The following SQOR variants were observed in gnomAD, a reference collection of about 807,000 sequenced individuals.
SQOR encodes sulfide quinone oxidoreductase, also known as sulfide:quinone oxidoreductase, mitochondrial.
Under a neutral mutation model 48.6 loss-of-function variants are expected in SQOR, and 39 were observed. That is an observed-to-expected ratio of 0.80 (90% CI 0.62 to 1.05). The LOEUF is 1.05. SQOR is among the 50% of genes least tolerant of loss of function. SQOR has a pLI of 0.00. For missense variants in SQOR, 561 were observed against 559.9 expected (o/e 1.00, Z -0.02); for synonymous variants, 220 against 206.2 (o/e 1.07, Z -0.57).
At chr15:45,661,290 T>TAAAAAAAAAAA (rs34286267) in intron 2 of SQOR, among the ~76,000 whole-genome samples, 1 of 67,528 alleles carries the variant, frequency 1.5e-5, no homozygotes, top group South Asian at 5.9e-4. Context: ...GACTCTGTCT[T>TAAAAAAAAAAA]AAAAAAAAAA....
In SQOR at chr15:45,659,054, A is replaced by G. The variant is rs752082929; in HGVS notation, c.131A>G (p.Tyr44Cys). ...TGASHAARNH[Y>C]EVLVLGGGSG... ...GCCAGCCATGCGGCCAGGAACCATT[A>G]TGAGGTGCTGGTGCTGGGTGGGGGC... The change falls in exon 2 of 10, where the codon TAT becomes TGT. Residue 44 changes from tyrosine (Y) to cysteine (C), a missense_variant. Physicochemically the swap from Tyr to Cys is radical, Grantham distance 194. Coordinates refer to ENST00000260324, the MANE Select transcript of SQOR (RefSeq NM_021199.4). 6 of 1,598,916 alleles carry G rather than the reference A, an allele frequency of 3.8e-6. No individual in the cohort carries two copies. Among genetic ancestry groups the G allele is most frequent in the Non-Finnish European group, 5.1e-6 (6 of 1,173,342 alleles).
At chr15:45,633,012 A>G (rs2140933187), upstream of SQOR, among the ~76,000 whole-genome samples, 1 of 152,062 alleles carries the variant, frequency 6.6e-6, no homozygotes, top group Admixed American at 6.5e-5. Flanking sequence ...GGTCTCAGTT[A>G]TTTGGGAGGC....
chr15:45,688,568 A>G (rs1384034822), intron 8 of SQOR, among the ~76,000 whole-genome samples, 164 bp downstream of exon 8: 2 of 150,634 alleles, frequency 1.3e-5, no homozygotes, highest in African/African-American at 4.9e-5. Context: ...CTGGAGTGCA[A>G]TGGCACGATC....
chr15:45,688,816 T>A (rs1890269110), intron 8 of SQOR, among the ~76,000 whole-genome samples: 1 of 152,116 alleles, frequency 6.6e-6, no homozygotes, highest in Non-Finnish European at 1.5e-5. Context: ...CCTGGCCCAG[T>A]TTTGCACTTT....
intron 1 of SQOR, among the ~76,000 whole-genome samples, chr15:45,654,115 CAAAAAA>C (rs60006729): frequency 1.9e-5 from 2 of 107,914 alleles, no homozygotes; most frequent in East Asian, 2.4e-4. Context: ...GAGTGAGACT[CAAAAAA>C]AAAAAAAAAA....
intron 3 of SQOR, among the ~76,000 whole-genome samples, chr15:45,665,637 GCAGT>G (rs1889800916): frequency 6.7e-6 from 1 of 149,520 alleles, no homozygotes; most frequent in Non-Finnish European, 1.5e-5. Flanking sequence ...AGGCTGGAGT[GCAGT>G]GGTGTGATCT....
intron 3 of SQOR, among the ~76,000 whole-genome samples, chr15:45,665,756 G>T (rs1023647741): frequency 6.6e-6 from 1 of 152,034 alleles, no homozygotes. Flanking sequence ...GCTAATTTTT[G>T]TGTTTTTAGT....
chr15:45,634,760 T>G (rs1363527117), upstream of SQOR: 8 of 152,086 alleles, frequency 5.3e-5, no homozygotes, highest in African/African-American at 7.2e-5. Flanking sequence ...GGCCTCGGTG[T>G]CCTCCGCCTG....
rs539548540 is a variant in SQOR, at chr15:45,638,588, G to A, written c.-18+3480G>A. ...AAATTCAAAATATTAGCTGGGTGGG[G>A]TAGTGTGCACCTGTAATTCCAACTA... On this transcript the variant is annotated intron_variant, in intron 1 of 9. Coordinates refer to ENST00000260324, the MANE Select transcript of SQOR (RefSeq NM_021199.4). 4.6e-5 allele frequency among the ~76,000 whole-genome samples: 7 copies of A among 152,190 alleles called. No homozygotes were observed. In the East Asian group the frequency reaches 1.2e-3, roughly 25 times the overall value.
intron 6 of SQOR, 154 bp downstream of exon 6, chr15:45,676,464 A>G (rs1312685746): frequency 1.3e-6 from 1 of 772,212 alleles, no homozygotes; most frequent in Non-Finnish European, 2.0e-6. Flanking sequence ...GCAAGAAGGT[A>G]GGCCAAAATG....
At chr15:45,668,869 G>A (rs1175289898) in intron 3 of SQOR, among the ~76,000 whole-genome samples, 1 of 152,048 alleles carries the variant, frequency 6.6e-6, no homozygotes, top group African/African-American at 2.4e-5. Flanking sequence ...GCCTAAACTT[G>A]TCTTCCTCTT....
intron 4 of SQOR, among the ~76,000 whole-genome samples, chr15:45,670,210 T>C (rs1457977184): frequency 6.6e-6 from 1 of 152,260 alleles, no homozygotes; most frequent in Non-Finnish European, 1.5e-5. Flanking sequence ...TTCAGCATGC[T>C]CATGCCTTAA....
At chr15:45,632,743 T>C (rs80052377), upstream of SQOR, among the ~76,000 whole-genome samples, 167 of 152,084 alleles carry the variant, frequency 1.1e-3, no homozygotes, top group African/African-American at 3.7e-3. Context: ...AGAGAGTCTA[T>C]TGGCATTTAG....
At chr15:45,674,435 C>T (rs138499639) in intron 5 of SQOR, among the ~76,000 whole-genome samples, 9,812 of 149,110 alleles carry the variant, frequency 0.066, 370 homozygotes, top group South Asian at 0.1. Context: ...AGCGAAGCTC[C>T]GTCTTAAAAA....
chr15:45,657,795 C>G (rs1295374309), intron 1 of SQOR, among the ~76,000 whole-genome samples: 1 of 152,124 alleles, frequency 6.6e-6, no homozygotes, highest in Non-Finnish European at 1.5e-5. Context: ...TAGTTAGTAA[C>G]CTTAGCAGCT....
At chr15:45,658,176 C>G (rs1889647406) in intron 1 of SQOR, among the ~76,000 whole-genome samples, 2 of 152,180 alleles carry the variant, frequency 1.3e-5, no homozygotes, top group Non-Finnish European at 2.9e-5. Context: ...TATACAGATT[C>G]CTTCCATAAA....
At chr15:45,669,150 T>A (rs1023068904) in intron 3 of SQOR, among the ~76,000 whole-genome samples, 33 of 148,160 alleles carry the variant, frequency 2.2e-4, no homozygotes, top group African/African-American at 4.9e-4. Context: ...TATATATTTT[T>A]TATATATATA....
At chr15:45,667,482 G>A (rs1040171539) in intron 3 of SQOR, among the ~76,000 whole-genome samples, 1 of 152,070 alleles carries the variant, frequency 6.6e-6, no homozygotes, top group Non-Finnish European at 1.5e-5. Flanking sequence ...ACACTGTTGT[G>A]CGTAACTGCT....
At chr15:45,681,252 A>G (rs773366777) in intron 6 of SQOR, among the ~76,000 whole-genome samples, 1 of 152,228 alleles carries the variant, frequency 6.6e-6, no homozygotes, top group Admixed American at 6.5e-5. Context: ...TTAATAATTT[A>G]GTAGATGATA....
Sources: allele counts gnomAD v4.1 joint callset (sites outside exome capture counted in the v4.1 genomes callset), GRCh38; gene constraint gnomAD v4.1.1; transcripts MANE v1.5; gene names NCBI Gene and HGNC (gene_info 2026-07-23, HGNC 2026-07-21).